The following SGCE variants were observed in gnomAD, a reference collection of about 807,000 sequenced individuals.
SGCE encodes the protein sarcoglycan epsilon.
SGCE carries 26 observed loss-of-function variants against 57.8 expected under a neutral mutation model. The ratio of observed to expected loss-of-function variants is 0.45; its 90% CI spans 0.33 to 0.62. SGCE has a LOEUF of 0.62. Ranked by LOEUF, SGCE falls within the 20% of genes least tolerant of loss-of-function variation. SGCE has a pLI of 0.02. For synonymous variants in SGCE, 183 were observed against 189.5 expected, an observed-to-expected ratio of 0.97 and a Z score of 0.28; for missense variants, 468 against 548.6, an observed-to-expected ratio of 0.85 and a Z score of 1.47.
chr7:94,617,599 T>C (rs572716585), intron 5 of SGCE: 2 of 152,262 alleles, frequency 1.3e-5, no homozygotes, highest in East Asian at 1.9e-4. Context: ...AAATTTAAGC[T>C]CTAGAATTAT....
chr7:94,618,448 T>A, intron 5 of SGCE: 1 of 263,144 alleles, frequency 3.8e-6, no homozygotes, highest in Non-Finnish European at 7.1e-6. Context: ...GGGGCGTCAA[T>A]TTCCTTTGAA....
chr7:94,646,721 G>A (rs747688313), intron 1 of SGCE, among the ~76,000 whole-genome samples: 1 of 152,094 alleles, frequency 6.6e-6, no homozygotes, highest in Non-Finnish European at 1.5e-5. Flanking sequence ...AAAGCTGCAG[G>A]AAAAATTTCT....
intron 9 of SGCE, chr7:94,589,958 C>G (rs1041409474): frequency 6.6e-6 from 1 of 152,316 alleles, no homozygotes; most frequent in Non-Finnish European, 1.5e-5. Context: ...TGCCAAAAAG[C>G]TTGGGGACCA....
intron 5 of SGCE, 165 bp downstream of exon 5, chr7:94,618,593 C>T (rs1802290195): frequency 4.9e-6 from 3 of 611,732 alleles, no homozygotes; most frequent in African/African-American, 3.7e-5. Flanking sequence ...ACTAACACAA[C>T]ATCTTTGCCA....
At chr7:94,642,876 T>C (rs781628796) in intron 1 of SGCE, among the ~76,000 whole-genome samples, 2 of 152,216 alleles carry the variant, frequency 1.3e-5, no homozygotes, top group Non-Finnish European at 2.9e-5. Context: ...CTTTCACATA[T>C]ACTGTCTAAT....
At chr7:94,635,242 A>C (rs2117013826) in intron 1 of SGCE, among the ~76,000 whole-genome samples, 1 of 152,294 alleles carries the variant, frequency 6.6e-6, no homozygotes, top group South Asian at 2.1e-4. Flanking sequence ...CACAGCTAGG[A>C]AATTAGTTGT....
chr7:94,612,216 T>C (rs1486526268), intron 5 of SGCE, among the ~76,000 whole-genome samples: 2 of 152,140 alleles, frequency 1.3e-5, no homozygotes, highest in Non-Finnish European at 2.9e-5. Flanking sequence ...CCTCTCAAGG[T>C]AACATAAATG....
At chr7:94,618,725 A>G (rs1274438244) in intron 5 of SGCE, 33 bp downstream of exon 5, 2 of 1,557,610 alleles carry the variant, frequency 1.3e-6, no homozygotes, top group Non-Finnish European at 1.8e-6. Context: ...TTAAAAATCT[A>G]TATTTAAGGC....
chr7:94,639,479 A>C, intron 1 of SGCE: 1 of 1,282,310 alleles, frequency 7.8e-7, no homozygotes, highest in Non-Finnish European at 1.1e-6. Flanking sequence ...GTACAAAAAA[A>C]TGAAATTAAT....
At chr7:94,628,545 T>C (rs1804138927) in intron 2 of SGCE, 186 bp from the exon 3 acceptor site, 1 of 568,908 alleles carries the variant, frequency 1.8e-6, no homozygotes, top group Non-Finnish European at 3.1e-6. Flanking sequence ...CTTTTGGTTG[T>C]TTAATTTGTT....
chr7:94,648,255 A>T (rs1333563172), intron 1 of SGCE, among the ~76,000 whole-genome samples: 1 of 151,718 alleles, frequency 6.6e-6, no homozygotes, highest in Non-Finnish European at 1.5e-5. Context: ...GGTGCCTGTA[A>T]TCCCAGCTAT....
chr7:94,605,978 G>A (rs549374654), intron 5 of SGCE, among the ~76,000 whole-genome samples: 92 of 152,064 alleles, frequency 6.1e-4, no homozygotes, highest in African/African-American at 1.5e-3. Context: ...ACAGGTGCCC[G>A]CCACCACACC....
At chr7:94,651,998 A>G (rs924526859) in intron 1 of SGCE, among the ~76,000 whole-genome samples, 21 of 151,700 alleles carry the variant, frequency 1.4e-4, no homozygotes, top group African/African-American at 4.8e-4. Flanking sequence ...AATCAGGGAG[A>G]TAACAGACTG....
intron 10 of SGCE, chr7:94,587,155 G>C: frequency 1.0e-6 from 1 of 984,178 alleles, no homozygotes; most frequent in Non-Finnish European, 1.2e-6. Flanking sequence ...AAACTCTTTG[G>C]CTCTTATATT....
intron 6 of SGCE, among the ~76,000 whole-genome samples, chr7:94,602,605 T>G (rs945122795): frequency 2.6e-5 from 4 of 151,696 alleles, no homozygotes; most frequent in Non-Finnish European, 4.4e-5. Context: ...AACAAAGAAT[T>G]GAAACAACTC....
intron 1 of SGCE, among the ~76,000 whole-genome samples, chr7:94,637,270 A>G (rs892829225): frequency 1.3e-5 from 2 of 152,316 alleles, no homozygotes; most frequent in African/African-American, 4.8e-5. Context: ...TATAATTTTA[A>G]AAGTGATGAA....
chr7:94,586,078 A>C (rs914170497), intron 10 of SGCE, among the ~76,000 whole-genome samples: 11 of 150,322 alleles, frequency 7.3e-5, no homozygotes, highest in South Asian at 6.3e-4. Context: ...AAAAAAAAAA[A>C]AAAAAAAAAC....
chr7:94,623,737 C>CAA lies in SGCE; in HGVS notation c.391-342_391-341dup, dbSNP rs35685364. On this transcript the variant is annotated intron_variant, in intron 3 of 10. Transcript: ENST00000648936. ...ACTTACCAGTGATGTTCTAAGATTT[C>CAA]AAAAAAAAAACAATAATTTTTGTAC... 1,559 of 334,230 alleles carry CAA rather than the reference C, an allele frequency of 4.7e-3. 25 individuals are homozygous for CAA. The highest frequency in any genetic ancestry group is 0.032 in the African/African-American group (1,404 of 44,416). 20.7% of individuals were successfully genotyped at this position (334,230 alleles called of 1,614,324 possible). A position where few individuals can be genotyped will look rare whatever the true frequency, so the allele number is the denominator to read the frequency against.
chr7:94,647,185 A>G (rs552623588), intron 1 of SGCE, among the ~76,000 whole-genome samples: 1 of 152,186 alleles, frequency 6.6e-6, no homozygotes, highest in Non-Finnish European at 1.5e-5. Flanking sequence ...TGTCCAAACT[A>G]GGACCCATAC....
Sources: gnomAD v4.1 joint callset for allele counts (sites outside exome capture counted in the v4.1 genomes callset) on GRCh38, gnomAD v4.1.1 for gene constraint, MANE v1.5 for transcripts, NCBI Gene and HGNC (gene_info 2026-07-23, HGNC 2026-07-21) for gene names.